Variants in ARIH1 observed in about 807,000 individuals in gnomAD.
ARIH1 encodes the protein E3 ubiquitin-protein ligase ARIH1.
Under a neutral mutation model 85.0 loss-of-function variants are expected in ARIH1, and 8 were observed. The observed-to-expected ratio is 0.09, with a 90% confidence interval of 0.06 to 0.17. ARIH1 has a LOEUF of 0.17. ARIH1 is among the 10% of genes least tolerant of loss of function. The pLI is 1.00. For synonymous variants in ARIH1, 238 were observed against 253.6 expected (o/e 0.94, Z 0.59); for missense variants, 311 against 718.1 (o/e 0.43, Z 6.48).
Position 72,597,197 on chromosome 15 carries a change from C to T in ARIH1, c.*13905C>T, listed in dbSNP as rs1021172592. ...TTTTTTCAGGCCACTTGAATGGTGG[C>T]TCAATCTGATGTATATGAATTCTAG... On this transcript the variant is annotated 3_prime_UTR_variant, in exon 14 of 14. Coordinates refer to ENST00000379887, the MANE Select transcript of ARIH1 (RefSeq NM_005744.5). The T allele has an allele frequency of 1.3e-5, 2 of 149,250 alleles. No individual in the cohort carries two copies. The highest frequency in any genetic ancestry group is 4.9e-5 in the African/African-American group (2 of 40,470). 9.2% of individuals were successfully genotyped at this position (149,250 alleles called of 1,614,324 possible). A position where few individuals can be genotyped will look rare whatever the true frequency, so the allele number is the denominator to read the frequency against.
At chr15:72,496,709 A>G (rs770899219) in intron 1 of ARIH1, 5 of 684,660 alleles carry the variant, frequency 7.3e-6, no homozygotes, top group Non-Finnish European at 7.2e-6. Context: ...CTTTATATAT[A>G]CCTTGATTTT....
At chr15:72,516,105 T>A (rs559951516) in intron 1 of ARIH1, among the ~76,000 whole-genome samples, 1 of 152,310 alleles carries the variant, frequency 6.6e-6, no homozygotes, top group South Asian at 2.1e-4. Context: ...AACTTGTGGC[T>A]AGAAACAATA....
chr15:72,485,860 G>A (rs2063835521), intron 1 of ARIH1, among the ~76,000 whole-genome samples: 1 of 152,142 alleles, frequency 6.6e-6, no homozygotes, highest in Admixed American at 6.5e-5. Context: ...TAAATGATGG[G>A]ATAAATAGAA....
chr15:72,505,420 T>C (rs1390374218), intron 1 of ARIH1, among the ~76,000 whole-genome samples: 1 of 152,174 alleles, frequency 6.6e-6, no homozygotes, highest in African/African-American at 2.4e-5. Flanking sequence ...ATCTCATGAA[T>C]AACCTTCCAT....
At chr15:72,475,220 G>C in intron 1 of ARIH1, 2 of 1,171,182 alleles carry the variant, frequency 1.7e-6, no homozygotes, top group Non-Finnish European at 2.2e-6. Flanking sequence ...AGGTGCGCTG[G>C]GGGCGGTGCT....
At chr15:72,522,208 AAAAG>A (rs745616489) in intron 2 of ARIH1, among the ~76,000 whole-genome samples, 13 of 152,276 alleles carry the variant, frequency 8.5e-5, no homozygotes, top group Middle Eastern at 3.4e-3. Flanking sequence ...TTTTATTAGA[AAAAG>A]AAAATGAGGT....
intron 11 of ARIH1, among the ~76,000 whole-genome samples, chr15:72,579,035 C>T (rs1047625370): frequency 6.6e-6 from 1 of 152,156 alleles, no homozygotes; most frequent in Admixed American, 6.5e-5. Flanking sequence ...CCACCCGCCT[C>T]AGCCTCCCAA....
chr15:72,479,410 C>CT (rs571973932), intron 1 of ARIH1, among the ~76,000 whole-genome samples: 203 of 144,602 alleles, frequency 1.4e-3, no homozygotes, highest in South Asian at 9.2e-3. Context: ...TGCTAAATAA[C>CT]TTTTTTTTTT....
rs2064385521 is a variant in ARIH1, at chr15:72,602,536, G to A, written c.*19244G>A. ...ACTTAAGTCTCGCCCTTGCAATTTA[G>A]ATGTACAATCTGCCTCTTCAGTGGT... On this transcript the variant is annotated 3_prime_UTR_variant, in exon 14 of 14. Transcript: ENST00000379887. 1 of 152,166 alleles carries A rather than the reference G, an allele frequency of 6.6e-6. No individual in the cohort carries two copies. The highest frequency in any genetic ancestry group is 1.5e-5 in the Non-Finnish European group (1 of 68,038). 9.4% of individuals were successfully genotyped at this position (152,166 alleles called of 1,614,324 possible). A position where few individuals can be genotyped will look rare whatever the true frequency, so the allele number is the denominator to read the frequency against.
chr15:72,490,973 C>T (rs557165545), intron 1 of ARIH1, among the ~76,000 whole-genome samples: 15 of 151,908 alleles, frequency 9.9e-5, no homozygotes, highest in East Asian at 9.7e-4. Context: ...AAAATTAGCC[C>T]GGTGTGGTGG....
At chr15:72,568,500 G>C (rs2064230445) in intron 9 of ARIH1, among the ~76,000 whole-genome samples, 1 of 152,150 alleles carries the variant, frequency 6.6e-6, no homozygotes, top group Non-Finnish European at 1.5e-5. Flanking sequence ...GTTTGGCTTA[G>C]TTTAGATTGT....
chr15:72,516,051 A>G (rs1595858598), intron 1 of ARIH1, among the ~76,000 whole-genome samples: 1 of 152,356 alleles, frequency 6.6e-6, no homozygotes, highest in East Asian at 1.9e-4. Flanking sequence ...TGTTTTAACA[A>G]AACTTACCAT....
At chr15:72,492,904 A>G (rs2063865197) in intron 1 of ARIH1, among the ~76,000 whole-genome samples, 1 of 152,232 alleles carries the variant, frequency 6.6e-6, no homozygotes, top group Non-Finnish European at 1.5e-5. Context: ...TAAGGATGGC[A>G]GTAAGCTTGC....
chr15:72,479,054 C>G (rs2063805081), intron 1 of ARIH1, among the ~76,000 whole-genome samples: 1 of 151,766 alleles, frequency 6.6e-6, no homozygotes, highest in Non-Finnish European at 1.5e-5. Context: ...TTGCCCAGGC[C>G]AGTCTCAAAC....
chr15:72,541,107 CAAAG>C, intron 2 of ARIH1, among the ~76,000 whole-genome samples: 1 of 152,270 alleles, frequency 6.6e-6, no homozygotes, highest in Middle Eastern at 3.4e-3. Flanking sequence ...GGTGATCAAA[CAAAG>C]AAACAGGTGG....
chr15:72,497,045 T>A (rs2063883002), intron 1 of ARIH1, among the ~76,000 whole-genome samples: 1 of 152,262 alleles, frequency 6.6e-6, no homozygotes, highest in Non-Finnish European at 1.5e-5. Context: ...TTTATTATTA[T>A]GTTTTAAACC....
intron 1 of ARIH1, among the ~76,000 whole-genome samples, chr15:72,480,570 G>A (rs1402308465): frequency 2.0e-5 from 3 of 149,844 alleles, no homozygotes; most frequent in African/African-American, 4.9e-5. Flanking sequence ...CACACTTTTT[G>A]TTGTTGTTGT....
chr15:72,488,988 A>G (rs970311131), intron 1 of ARIH1, among the ~76,000 whole-genome samples: 8 of 152,340 alleles, frequency 5.3e-5, no homozygotes, highest in East Asian at 3.9e-4. Context: ...CACGCCTGCA[A>G]TCCCACAACT....
At chr15:72,518,368 G>C (rs969521941) in intron 2 of ARIH1, among the ~76,000 whole-genome samples, 2 of 47,792 alleles carry the variant, frequency 4.2e-5, no homozygotes, top group African/African-American at 5.5e-5. Context: ...TGTGTGTTTG[G>C]GGGTGTGCTT....
Sources: allele counts gnomAD v4.1 joint callset (sites outside exome capture counted in the v4.1 genomes callset), GRCh38; gene constraint gnomAD v4.1.1; transcripts MANE v1.5; gene names NCBI Gene and HGNC (gene_info 2026-07-23, HGNC 2026-07-21).